The following FILIP1L variants were observed in gnomAD, a reference collection of about 807,000 sequenced individuals.
The protein encoded by FILIP1L is filamin A interacting protein 1 like.
FILIP1L carries 55 observed loss-of-function variants against 96.6 expected under a neutral mutation model. The ratio of observed to expected loss-of-function variants is 0.57; its 90% CI spans 0.46 to 0.71. The LOEUF (loss-of-function observed/expected upper bound fraction) is 0.71, where lower values mean the gene tolerates loss of function less well. Ranked by LOEUF, FILIP1L falls within the 30% of genes least tolerant of loss-of-function variation. The pLI is 0.00. For synonymous variants in FILIP1L, 467 were observed against 473.9 expected (o/e 0.99, Z 0.19); for missense variants, 1,304 against 1,321.2 (o/e 0.99, Z 0.20).
chr3:99,910,617 GA>G (rs1289867262), intron 4 of FILIP1L, among the ~76,000 whole-genome samples: 3 of 135,860 alleles, frequency 2.2e-5, no homozygotes, highest in African/African-American at 7.5e-5. Context: ...CCCTTAGGCT[GA>G]AAAAAAGTAA....
At chr3:99,997,543 A>G (rs942256665) in intron 1 of FILIP1L, among the ~76,000 whole-genome samples, 1 of 152,102 alleles carries the variant, frequency 6.6e-6, no homozygotes, top group Non-Finnish European at 1.5e-5. Context: ...AGCTTTTTCA[A>G]TTTTGCCAGA....
intron 1 of FILIP1L, among the ~76,000 whole-genome samples, chr3:99,999,964 C>G (rs1709795384): frequency 6.6e-6 from 1 of 152,150 alleles, no homozygotes; most frequent in African/African-American, 2.4e-5. Context: ...GACTCTAGAA[C>G]AGTGATTCTC....
At chr3:99,836,350 G>C (rs761099363) in intron 5 of FILIP1L, among the ~76,000 whole-genome samples, 1 of 152,138 alleles carries the variant, frequency 6.6e-6, no homozygotes. Flanking sequence ...CAATAGAGGC[G>C]AGACAAAGAG....
At chr3:100,046,895 G>A (rs573915384) in intron 1 of FILIP1L, among the ~76,000 whole-genome samples, 48 of 152,300 alleles carry the variant, frequency 3.2e-4, no homozygotes, top group African/African-American at 1.2e-3. Flanking sequence ...CAGGACTACT[G>A]TTGGTAGGCA....
intron 4 of FILIP1L, chr3:99,876,022 G>C: frequency 2.0e-6 from 2 of 983,712 alleles, no homozygotes; most frequent in Non-Finnish European, 1.2e-6. Flanking sequence ...CTACCTGGCT[G>C]TCTGACAGCA....
At chr3:100,018,916 G>A (rs1373745524) in intron 1 of FILIP1L, among the ~76,000 whole-genome samples, 2 of 152,018 alleles carry the variant, frequency 1.3e-5, no homozygotes, top group Non-Finnish European at 2.9e-5. Context: ...CTCAGAAGAA[G>A]ATAAATAGCC....
chr3:100,033,715 TA>T (rs1042992030), intron 1 of FILIP1L, among the ~76,000 whole-genome samples: 4 of 151,588 alleles, frequency 2.6e-5, no homozygotes, highest in African/African-American at 4.8e-5. Flanking sequence ...GAATTGATTT[TA>T]AAAAAAAACC....
At chr3:100,107,343 T>TGTACACTTTTTACTTAAAGTACAAAC (rs1343946541) in intron 1 of FILIP1L, among the ~76,000 whole-genome samples, 1 of 152,108 alleles carries the variant, frequency 6.6e-6, no homozygotes, top group Admixed American at 6.6e-5. Context: ...TGCATGTGGG[T>TGTACACTTTTTACTTAAAGTACAAAC]TTTAAGTAAA....
intron 1 of FILIP1L, among the ~76,000 whole-genome samples, chr3:100,090,167 C>T (rs2066079707): frequency 6.6e-6 from 1 of 152,198 alleles, no homozygotes; most frequent in Non-Finnish European, 1.5e-5. Context: ...CTATGAAGCA[C>T]TCTATGAATG....
rs536613241 is a variant in FILIP1L, at chr3:99,994,343, AC to A, written c.-10-63314del. On this transcript the variant is annotated intron_variant, in intron 1 of 5. Coordinates refer to ENST00000477258, the MANE Select transcript of FILIP1L (RefSeq NM_001387850.1). ...GACAGATCATCAAGTCAGAAAAGTAACAAAGAAATATTGGACTTAAATTGGA... is the reference window on the plus strand; with the variant it reads ...GACAGATCATCAAGTCAGAAAAGTAAAAAGAAATATTGGACTTAAATTGGA... Among the ~76,000 whole-genome samples, 417 of 152,330 alleles carry A rather than the reference AC, an allele frequency of 2.7e-3. 2 individuals carry two copies. Among genetic ancestry groups the A allele is most frequent in the African/African-American group, 9.6e-3 (397 of 41,570 alleles).
intron 4 of FILIP1L, 56 bp downstream of exon 4, chr3:99,924,174 C>T: frequency 7.0e-7 from 1 of 1,421,214 alleles, no homozygotes; most frequent in Non-Finnish European, 9.8e-7. Context: ...AGACCTGGTA[C>T]AGTGGCCAGC....
At chr3:99,939,268 T>G (rs948723928) in intron 1 of FILIP1L, among the ~76,000 whole-genome samples, 3 of 152,220 alleles carry the variant, frequency 2.0e-5, no homozygotes, top group Non-Finnish European at 4.4e-5. Context: ...TGTCCAAAAG[T>G]GCTTCCTTGT....
chr3:100,090,299 A>G (rs1185679632), intron 1 of FILIP1L, among the ~76,000 whole-genome samples: 9 of 152,354 alleles, frequency 5.9e-5, no homozygotes, highest in Non-Finnish European at 1.2e-4. Context: ...AAGATAGTCA[A>G]GGGAACATTA....
At chr3:99,928,227 CTGTT>C (rs2107659346) in intron 3 of FILIP1L, among the ~76,000 whole-genome samples, 1 of 152,318 alleles carries the variant, frequency 6.6e-6, no homozygotes, top group South Asian at 2.1e-4. Context: ...TTCCCCTTCA[CTGTT>C]TATTTTCGGG....
At chr3:99,952,345 A>T (rs1482821155) in intron 1 of FILIP1L, among the ~76,000 whole-genome samples, 3 of 152,308 alleles carry the variant, frequency 2.0e-5, no homozygotes, top group African/African-American at 7.2e-5. Flanking sequence ...TCACTATACA[A>T]TTCAAACATT....
rs527714024 is a variant in FILIP1L, at chr3:99,868,251, AAATCAAGGTAAAGGGT to A, written c.606-17197_606-17182del. On this transcript the variant is annotated intron_variant, in intron 4 of 5. Transcript: ENST00000477258. ...CAGGAGGGACTGCCTTGTAGCAGGG[AAATCAAGGTAAAGGGT>A]AACCTCTCCTTACAGAGTGGCTAAG... is the stretch of plus-strand genomic sequence containing the variant. Among the ~76,000 whole-genome samples, 922 of 152,258 alleles carry A rather than the reference AAATCAAGGTAAAGGGT, an allele frequency of 6.1e-3. 9 individuals carry two copies. Among genetic ancestry groups the A allele is most frequent in the Middle Eastern group, 0.027 (8 of 294 alleles).
intron 5 of FILIP1L, chr3:99,847,980 C>A: frequency 9.4e-7 from 1 of 1,063,454 alleles, no homozygotes; most frequent in Admixed American, 4.8e-5. Context: ...TTCACCAAGA[C>A]AAGTTGCAGT....
At chr3:99,846,559 G>C (rs2107516570) in intron 5 of FILIP1L, among the ~76,000 whole-genome samples, 1 of 152,298 alleles carries the variant, frequency 6.6e-6, no homozygotes, top group South Asian at 2.1e-4. Context: ...GGTCACTGTT[G>C]ATTCCTAAGA....
At chr3:99,830,720 G>A (rs929117429) in intron 5 of FILIP1L, 115 bp from the exon 6 acceptor site, 1 of 403,356 alleles carries the variant, frequency 2.5e-6, no homozygotes, top group Non-Finnish European at 5.0e-6. Flanking sequence ...ACCAGTTTCT[G>A]GGGATGTATC....
Sources: allele counts gnomAD v4.1 joint callset (sites outside exome capture counted in the v4.1 genomes callset), GRCh38; gene constraint gnomAD v4.1.1; transcripts MANE v1.5; gene names NCBI Gene and HGNC (gene_info 2026-07-23, HGNC 2026-07-21).